Variants in PRR33 observed in about 807,000 individuals in gnomAD.
PRR33 encodes proline-rich protein 33.
PRR33 carries 1 observed loss-of-function variant against 0.5 expected under a neutral mutation model. That is an observed-to-expected ratio of 2.18 (90% CI 0.77 to 10.34). The LOEUF is 10.34. PRR33 is among the 30% of genes most tolerant of loss of function. The pLI is 0.13. For missense variants in PRR33, 552 were observed against 251.8 expected (o/e 2.19, Z -8.07); for synonymous variants, 226 against 110.0 (o/e 2.06, Z -6.60).
chr11:1,905,441 T>A, the PRR33 span, among the ~76,000 whole-genome samples: 1 of 144,828 alleles, frequency 6.9e-6, no homozygotes, highest in African/African-American at 2.6e-5. Flanking sequence ...CTCTTTTTTT[T>A]TTTTTTTTTT....
chr11:1,914,299 G>C, the PRR33 span, among the ~76,000 whole-genome samples: 1 of 148,768 alleles, frequency 6.7e-6, no homozygotes, highest in Non-Finnish European at 1.5e-5. Flanking sequence ...GTTGTGTGTG[G>C]GGTCATGCAC....
chr11:1,904,777 G>A, the PRR33 span, among the ~76,000 whole-genome samples: 1 of 151,754 alleles, frequency 6.6e-6, no homozygotes. Flanking sequence ...CCAAAGTGCT[G>A]GGATTACAGG....
chr11:1,908,772 G>A, the PRR33 span, among the ~76,000 whole-genome samples: 9 of 152,038 alleles, frequency 5.9e-5, no homozygotes, highest in Admixed American at 2.6e-4. Flanking sequence ...TCTCATTTCC[G>A]CCTCACATCA....
At chr11:1,891,855 T>G (rs1309128912) in exon 1 of PRR33, 2 of 145,250 alleles carry the variant, frequency 1.4e-5, no homozygotes, top group African/African-American at 2.6e-5. Context: ...CCCCCGGCCC[T>G]GGCTAAGAAG....
chr11:1,888,471 T>C (rs1177355214), exon 1 of PRR33: 1 of 151,918 alleles, frequency 6.6e-6, no homozygotes, highest in East Asian at 1.9e-4. Flanking sequence ...CCTCAGGCTG[T>C]CAGCCCAGGT....
chr11:1,914,716 A>G, the PRR33 span, among the ~76,000 whole-genome samples: 2 of 124,136 alleles, frequency 1.6e-5, no homozygotes, highest in Admixed American at 1.7e-4. Context: ...CCTGGGGATG[A>G]TGTTGCTCTG....
chr11:1,916,720 C>T, the PRR33 span, among the ~76,000 whole-genome samples: 55 of 152,290 alleles, frequency 3.6e-4, no homozygotes, highest in African/African-American at 1.3e-3. Context: ...CCCCTCGGCT[C>T]AGCCTCGAGA....
At chr11:1,899,706 A>G in the PRR33 span, among the ~76,000 whole-genome samples, 1 of 152,188 alleles carries the variant, frequency 6.6e-6, no homozygotes, top group African/African-American at 2.4e-5. Context: ...AGTTATTAAC[A>G]GTTTTACCAC....
At chr11:1,891,315 C>T (rs910982293) in exon 1 of PRR33, 1 of 151,620 alleles carries the variant, frequency 6.6e-6, no homozygotes, top group African/African-American at 2.4e-5. Flanking sequence ...CAGAGGCTCT[C>T]TGGTTTGGGG....
At chr11:1,916,023 C>T in the PRR33 span, among the ~76,000 whole-genome samples, 16 of 149,660 alleles carry the variant, frequency 1.1e-4, no homozygotes, top group African/African-American at 3.0e-4. Context: ...GATGGACAGA[C>T]GGAGGGATGG....
upstream of PRR33, among the ~76,000 whole-genome samples, chr11:1,895,130 C>T (rs1171810098): frequency 6.6e-6 from 1 of 151,326 alleles, no homozygotes; most frequent in African/African-American, 2.4e-5. Flanking sequence ...TTTGAGAGTT[C>T]TTTCTTTCTT....
exon 1 of PRR33, chr11:1,889,428 G>C: frequency 1.5e-6 from 1 of 669,994 alleles, no homozygotes; most frequent in Non-Finnish European, 2.8e-6. Context: ...TGCGGTGAGG[G>C]CGGGCACCTC....
chr11:1,895,145 T>G (rs1565094724), upstream of PRR33, among the ~76,000 whole-genome samples: 1 of 152,164 alleles, frequency 6.6e-6, no homozygotes, highest in Non-Finnish European at 1.5e-5. Context: ...TTTCTTTTTT[T>G]TTTTGAGATG....
At chr11:1,911,017 GT>G in the PRR33 span, among the ~76,000 whole-genome samples, 4 of 151,830 alleles carry the variant, frequency 2.6e-5, no homozygotes, top group Admixed American at 2.0e-4. Context: ...AAGATGGCTT[GT>G]TTTTTTTGGC....
the PRR33 span, among the ~76,000 whole-genome samples, chr11:1,911,167 G>A: frequency 3.3e-5 from 5 of 152,222 alleles, no homozygotes; most frequent in South Asian, 4.1e-4. Context: ...GCTACTAGCC[G>A]GGCGCAGTGG....
the PRR33 span, among the ~76,000 whole-genome samples, chr11:1,917,626 G>A: frequency 0.032 from 4,932 of 152,354 alleles, 262 homozygotes; most frequent in African/African-American, 0.11. Flanking sequence ...GATGGCAGCA[G>A]GGCATGGGTT....
chr11:1,898,392 T>C, the PRR33 span, among the ~76,000 whole-genome samples: 1 of 152,136 alleles, frequency 6.6e-6, no homozygotes, highest in Non-Finnish European at 1.5e-5. Flanking sequence ...CCCGCCATCA[T>C]ACCCAGCTTA....
upstream of PRR33, among the ~76,000 whole-genome samples, chr11:1,894,030 T>G (rs1589839905): frequency 0.03 from 2 of 66 alleles, no homozygotes; most frequent in Non-Finnish European, 0.026. Flanking sequence ...GATGGGTAGG[T>G]GGGTGGGTGG....
chr11:1,912,972 C>T, the PRR33 span, among the ~76,000 whole-genome samples: 38 of 152,226 alleles, frequency 2.5e-4, no homozygotes, highest in African/African-American at 8.9e-4. Flanking sequence ...CTATTAACCT[C>T]CTATGTTTCT....
Sources: allele counts gnomAD v4.1 joint callset (sites outside exome capture counted in the v4.1 genomes callset), GRCh38; gene constraint gnomAD v4.1.1; transcripts MANE v1.5; gene names NCBI Gene and HGNC (gene_info 2026-07-23, HGNC 2026-07-21).